The following ENOX1 variants were observed in gnomAD, a reference collection of about 807,000 sequenced individuals.
ENOX1 encodes the protein ecto-NOX disulfide-thiol exchanger 1, also known as candidate growth-related and time keeping constitutive hydroquinone (NADH) oxidase.
Under a neutral mutation model 82.5 loss-of-function variants are expected in ENOX1, and 42 were observed. The observed-to-expected ratio is 0.51, with a 90% CI of 0.40 to 0.66. The LOEUF is 0.66. ENOX1 is among the 30% of genes least tolerant of loss of function. The probability of loss-of-function intolerance (pLI) is 0.00; values close to 1 mark genes in which losing one functional copy is unlikely to be tolerated. For missense variants in ENOX1, 608 were observed against 811.6 expected (o/e 0.75, Z 3.05); for synonymous variants, 271 against 282.2 (o/e 0.96, Z 0.40).
chr13:43,734,833 T>C lies in ENOX1; in HGVS notation c.-285+51819A>G, dbSNP rs374855846. On this transcript the variant is annotated intron_variant, in intron 1 of 16. Transcript: ENST00000690772. ...GACATATGAGATACAGTCACAAAAA[T>C]AGAGGACAGCTCTGGAAGACAGAAT... Among the ~76,000 whole-genome samples the C allele has an allele frequency of 3.9e-5, 6 of 152,314 alleles. No homozygotes were observed. In the East Asian group the frequency reaches 7.7e-4, roughly 20 times the overall value.
intron 12 of ENOX1, among the ~76,000 whole-genome samples, chr13:43,295,291 G>A (rs1449306397): frequency 1.3e-5 from 2 of 152,178 alleles, no homozygotes; most frequent in African/African-American, 2.4e-5. Context: ...AAAGGCTACC[G>A]TGTTACCATG....
At chr13:43,311,349 A>C (rs1452892887) in intron 11 of ENOX1, among the ~76,000 whole-genome samples, 1 of 115,462 alleles carries the variant, frequency 8.7e-6, no homozygotes, top group East Asian at 2.7e-4. Context: ...TGTGAGGATT[A>C]AATAGGTAAT....
At chr13:43,224,944 C>T (rs865971754) in intron 15 of ENOX1, among the ~76,000 whole-genome samples, 4 of 152,198 alleles carry the variant, frequency 2.6e-5, no homozygotes, top group Non-Finnish European at 1.5e-5. Context: ...AGGAAGTCAA[C>T]TCCAAAAACT....
intron 3 of ENOX1, among the ~76,000 whole-genome samples, chr13:43,429,692 G>A (rs1463214176): frequency 6.6e-6 from 1 of 152,150 alleles, no homozygotes; most frequent in African/African-American, 2.4e-5. Flanking sequence ...GCCATGTTAG[G>A]AAGGGCAGCA....
chr13:43,495,369 A>G (rs1451843372), intron 2 of ENOX1, among the ~76,000 whole-genome samples: 3 of 152,134 alleles, frequency 2.0e-5, no homozygotes, highest in African/African-American at 7.2e-5. Context: ...GTCTATCACC[A>G]TAAATGGCTT....
chr13:43,709,368 A>G (rs1378596563), intron 1 of ENOX1, among the ~76,000 whole-genome samples: 1 of 152,160 alleles, frequency 6.6e-6, no homozygotes, highest in African/African-American at 2.4e-5. Flanking sequence ...AAAGTAAAAA[A>G]TAAGTTTGCA....
At chr13:43,644,072 CTTAA>C (rs1266544444) in intron 2 of ENOX1, among the ~76,000 whole-genome samples, 1 of 152,118 alleles carries the variant, frequency 6.6e-6, no homozygotes, top group African/African-American at 2.4e-5. Context: ...TTTTAGTCAT[CTTAA>C]TTAATTGTAA....
intron 1 of ENOX1, among the ~76,000 whole-genome samples, chr13:43,749,115 A>G (rs1950178435): frequency 6.6e-6 from 1 of 152,232 alleles, no homozygotes; most frequent in Non-Finnish European, 1.5e-5. Flanking sequence ...TATTATTACC[A>G]ACAGTAATTA....
intron 1 of ENOX1, among the ~76,000 whole-genome samples, chr13:43,690,894 T>G (rs994293021): frequency 6.6e-6 from 1 of 152,226 alleles, no homozygotes; most frequent in African/African-American, 2.4e-5. Context: ...TCTCAGCTAG[T>G]CTGAGGTGGG....
intron 2 of ENOX1, among the ~76,000 whole-genome samples, chr13:43,659,837 C>T (rs1027961574): frequency 2.0e-5 from 3 of 152,146 alleles, no homozygotes; most frequent in Admixed American, 6.5e-5. Flanking sequence ...GGCTAAGGAG[C>T]AGAGAACAGA....
At chr13:43,474,057 C>T (rs1357264861) in intron 3 of ENOX1, among the ~76,000 whole-genome samples, 1 of 151,986 alleles carries the variant, frequency 6.6e-6, no homozygotes, top group Non-Finnish European at 1.5e-5. Context: ...TTAAGTTTAC[C>T]ACTGGCTTAG....
chr13:43,230,015 G>A (rs1235256484), intron 15 of ENOX1, among the ~76,000 whole-genome samples: 3 of 152,160 alleles, frequency 2.0e-5, no homozygotes, highest in East Asian at 3.9e-4. Context: ...GGGATTTGAA[G>A]CCAAAGTATT....
intron 1 of ENOX1, among the ~76,000 whole-genome samples, chr13:43,770,275 A>G (rs1951511585): frequency 6.6e-6 from 1 of 152,248 alleles, no homozygotes; most frequent in Non-Finnish European, 1.5e-5. Flanking sequence ...CCCTGGTCAC[A>G]TGACCTACAA....
intron 2 of ENOX1, among the ~76,000 whole-genome samples, chr13:43,535,629 T>C (rs1014802103): frequency 7.2e-5 from 11 of 152,126 alleles, no homozygotes; most frequent in Non-Finnish European, 5.9e-5. Context: ...GTGTTAAAAG[T>C]TTCAGCCCAT....
At chr13:43,462,549 T>A (rs2057534665) in intron 3 of ENOX1, among the ~76,000 whole-genome samples, 1 of 152,136 alleles carries the variant, frequency 6.6e-6, no homozygotes, top group South Asian at 2.1e-4. Flanking sequence ...TAATCAGAGA[T>A]AAATTAAATT....
intron 5 of ENOX1, among the ~76,000 whole-genome samples, chr13:43,405,857 C>T (rs183225390): frequency 1.4e-4 from 21 of 152,342 alleles, no homozygotes; most frequent in African/African-American, 5.1e-4. Context: ...GATCCTGCTA[C>T]TCCCCTGCTT....
At chr13:43,475,156 A>G (rs182679211) in intron 3 of ENOX1, among the ~76,000 whole-genome samples, 39 of 152,298 alleles carry the variant, frequency 2.6e-4, no homozygotes, top group Admixed American at 1.8e-3. Context: ...CTATTGATAA[A>G]TATCAAAATT....
At position 43,518,677 on chromosome 13, in the gene ENOX1, T is replaced by TA. The variant is rs200301244; in HGVS notation, c.-218-34526dup. The stretch of plus-strand genomic sequence containing the variant: ...AATCTTAAACTCCATTTAACCATTG[T>TA]AAAAAAAAATACATTTCTAAGTCTT... On this transcript the variant is annotated intron_variant, in intron 2 of 16. Coordinates refer to ENST00000690772, the MANE Select transcript of ENOX1 (RefSeq NM_001347969.2). Among the ~76,000 whole-genome samples the TA allele has an allele frequency of 1.6e-3, 237 of 151,306 alleles. 1 individual carries two copies. Among genetic ancestry groups the TA allele is most frequent in the African/African-American group, 5.3e-3 (221 of 41,314 alleles).
intron 2 of ENOX1, among the ~76,000 whole-genome samples, chr13:43,532,891 AAT>A (rs1432028974): frequency 6.6e-6 from 1 of 150,490 alleles, no homozygotes; most frequent in Non-Finnish European, 1.5e-5. Flanking sequence ...AAATATATTA[AAT>A]ATATATATTA....
Sources: gnomAD v4.1 joint callset for allele counts (sites outside exome capture counted in the v4.1 genomes callset) on GRCh38, gnomAD v4.1.1 for gene constraint, MANE v1.5 for transcripts, NCBI Gene and HGNC (gene_info 2026-07-23, HGNC 2026-07-21) for gene names.